ATF2: variants seen among roughly 807,000 people sequenced by gnomAD.
The protein encoded by ATF2 is cyclic AMP-dependent transcription factor ATF-2.
In ATF2, 24 loss-of-function variants were observed where a neutral mutation model predicts 60.6. That is an observed-to-expected ratio of 0.40 (90% confidence interval 0.29 to 0.56). ATF2 has a LOEUF of 0.56. Ranked by LOEUF, ATF2 falls within the 20% of genes least tolerant of loss-of-function variation. The pLI, the probability that ATF2 is intolerant of heterozygous loss-of-function variation, is 0.54. For synonymous variants in ATF2, 206 were observed against 215.4 expected, an observed-to-expected ratio of 0.96 and a Z score of 0.38; for missense variants, 433 against 607.7, an observed-to-expected ratio of 0.71 and a Z score of 3.02.
chr2:175,091,254 G>A (rs945216305), intron 12 of ATF2, among the ~76,000 whole-genome samples: 1 of 152,022 alleles, frequency 6.6e-6, no homozygotes, highest in Admixed American at 6.5e-5. Flanking sequence ...ACAATACAGA[G>A]AAGTGGTATT....
intron 10 of ATF2, among the ~76,000 whole-genome samples, chr2:175,108,614 C>T (rs950454849): frequency 1.5e-4 from 23 of 152,232 alleles, no homozygotes; most frequent in African/African-American, 5.1e-4. Flanking sequence ...CGCCTCTGCC[C>T]GGCCGCCCCT....
At chr2:175,159,088 T>C (rs916989228) in intron 1 of ATF2, among the ~76,000 whole-genome samples, 2 of 152,034 alleles carry the variant, frequency 1.3e-5, no homozygotes, top group Admixed American at 6.6e-5. Flanking sequence ...GAGGCCAAGG[T>C]AGGCAGACTG....
chr2:175,155,554 T>C (rs1324500433), intron 1 of ATF2, among the ~76,000 whole-genome samples: 2 of 152,184 alleles, frequency 1.3e-5, no homozygotes, highest in Non-Finnish European at 2.9e-5. Flanking sequence ...CAAAAATGCA[T>C]TGTCCAGAGA....
At chr2:175,088,398 A>G (rs1694311207) in intron 12 of ATF2, among the ~76,000 whole-genome samples, 1 of 152,154 alleles carries the variant, frequency 6.6e-6, no homozygotes, top group South Asian at 2.1e-4. Flanking sequence ...GGTACCAGAA[A>G]TAAAAGATTT....
At chr2:175,102,166 A>T (rs1695356307) in intron 10 of ATF2, among the ~76,000 whole-genome samples, 1 of 152,208 alleles carries the variant, frequency 6.6e-6, no homozygotes. Context: ...CAATTAGTCC[A>T]ATCACCATCT....
chr2:175,156,750 T>A (rs1344215641), intron 1 of ATF2, among the ~76,000 whole-genome samples: 2 of 152,230 alleles, frequency 1.3e-5, no homozygotes, highest in Non-Finnish European at 2.9e-5. Flanking sequence ...GCCAACGCAC[T>A]CATCTTGGCT....
At position 175,157,602 on chromosome 2, in the gene ATF2, A is replaced by G. The variant is rs181626401; in HGVS notation, c.-142-6444T>C. On this transcript the variant is annotated intron_variant, in intron 1 of 13. Transcript: ENST00000264110. ...GCTGCTGATGTGGCCCCTTTCCCAC[A>G]AACATAAAAAAATAAAGGGAAGATC... Among the ~76,000 whole-genome samples the G allele has an allele frequency of 1.1e-4, 17 of 152,320 alleles. No homozygotes were observed. In the East Asian group the frequency reaches 3.1e-3, roughly 28 times the overall value.
intron 2 of ATF2, among the ~76,000 whole-genome samples, chr2:175,140,130 C>A (rs1698404248): frequency 6.6e-6 from 1 of 152,054 alleles, no homozygotes; most frequent in Non-Finnish European, 1.5e-5. Context: ...TGCACAGATA[C>A]ACATAAGAAA....
At chr2:175,097,346 C>T in intron 11 of ATF2, 98 bp downstream of exon 11, 1 of 1,482,688 alleles carries the variant, frequency 6.7e-7, no homozygotes, top group South Asian at 1.3e-5. Context: ...GGAATAACAA[C>T]ATGACCAGAG....
intron 10 of ATF2, among the ~76,000 whole-genome samples, chr2:175,101,489 G>C (rs895774942): frequency 4.6e-5 from 7 of 152,180 alleles, no homozygotes; most frequent in African/African-American, 1.7e-4. Context: ...AAGTAGAAAT[G>C]TGAGGCTTAG....
intron 2 of ATF2, among the ~76,000 whole-genome samples, chr2:175,138,817 T>C (rs550566136): frequency 1.2e-3 from 176 of 152,364 alleles, no homozygotes; most frequent in Non-Finnish European, 2.0e-3. Flanking sequence ...TGTTCTGTAA[T>C]GTCATCTATT....
At chr2:175,109,951 G>A (rs925667689) in intron 10 of ATF2, among the ~76,000 whole-genome samples, 8 of 152,274 alleles carry the variant, frequency 5.3e-5, no homozygotes, top group African/African-American at 1.9e-4. Flanking sequence ...ACCAACTGCT[G>A]TTCATTCAGA....
At chr2:175,137,351 G>A (rs1698211951) in intron 2 of ATF2, among the ~76,000 whole-genome samples, 1 of 152,086 alleles carries the variant, frequency 6.6e-6, no homozygotes, top group Non-Finnish European at 1.5e-5. Flanking sequence ...TGTCTGCGAG[G>A]AGAGGAAAAA....
chr2:175,150,575 G>C (rs2105810220), intron 2 of ATF2, among the ~76,000 whole-genome samples: 1 of 152,236 alleles, frequency 6.6e-6, no homozygotes, highest in South Asian at 2.1e-4. Flanking sequence ...ATCAGCATGA[G>C]ACAACTGTGG....
chr2:175,115,080 T>TGTTG (rs60640892), intron 7 of ATF2, among the ~76,000 whole-genome samples: 161 of 149,630 alleles, frequency 1.1e-3, no homozygotes, highest in African/African-American at 3.9e-3. Context: ...AAAGACTCGT[T>TGTTG]TTTTTTTTTT....
At chr2:175,080,575 T>TC in intron 13 of ATF2, 85 bp downstream of exon 13, 1 of 986,008 alleles carries the variant, frequency 1.0e-6, no homozygotes, top group African/African-American at 1.6e-5. Flanking sequence ...AAGCACAGTC[T>TC]CCATTTTTAA....
At chr2:175,115,081 T>G (rs1449078356) in intron 7 of ATF2, among the ~76,000 whole-genome samples, 2 of 138,922 alleles carry the variant, frequency 1.4e-5, no homozygotes. Context: ...AAGACTCGTT[T>G]TTTTTTTTTC....
At chr2:175,080,829 A>C in intron 12 of ATF2, 64 bp from the exon 13 acceptor site, 1 of 1,326,200 alleles carries the variant, frequency 7.5e-7, no homozygotes, top group Non-Finnish European at 1.1e-6. Context: ...ATTTAAAACA[A>C]GCAAGGATTA....
chr2:175,119,686 T>A (rs1003145293), intron 5 of ATF2, among the ~76,000 whole-genome samples: 2 of 151,568 alleles, frequency 1.3e-5, no homozygotes, highest in Non-Finnish European at 3.0e-5. Flanking sequence ...AAAATCACAT[T>A]ACAGTAAGTA....
Sources: allele counts gnomAD v4.1 joint callset (sites outside exome capture counted in the v4.1 genomes callset), GRCh38; gene constraint gnomAD v4.1.1; transcripts MANE v1.5; gene names NCBI Gene and HGNC (gene_info 2026-07-23, HGNC 2026-07-21).